Variants in IBTK observed in about 807,000 individuals in gnomAD.
IBTK encodes inhibitor of Bruton tyrosine kinase, also known as BTK-binding protein.
Under a neutral mutation model 154.9 loss-of-function variants are expected in IBTK, and 83 were observed. The observed-to-expected ratio is 0.54, with a 90% CI of 0.45 to 0.64. The LOEUF (loss-of-function observed/expected upper bound fraction) is 0.64. Among genes scored for constraint, IBTK ranks in the 30% least tolerant of loss-of-function variants. The pLI, the probability that IBTK is intolerant of heterozygous loss-of-function variation, is 0.00. For synonymous variants in IBTK, 515 were observed against 536.1 expected (o/e 0.96, Z 0.54); for missense variants, 1,332 against 1,584.6 (o/e 0.84, Z 2.71).
At chr6:82,206,201 A>C (rs572928428) in intron 16 of IBTK, among the ~76,000 whole-genome samples, 1 of 152,310 alleles carries the variant, frequency 6.6e-6, no homozygotes, top group African/African-American at 2.4e-5. Flanking sequence ...TACTGAAACC[A>C]ACAGCTCCAT....
intron 8 of IBTK, 79 bp from the exon 9 acceptor site, chr6:82,220,792 C>A: frequency 8.7e-7 from 1 of 1,148,866 alleles, no homozygotes; most frequent in Non-Finnish European, 1.2e-6. Context: ...AGTTAGTATT[C>A]AAACAACAAT....
At chr6:82,182,341 A>G (rs943963028) in intron 25 of IBTK, among the ~76,000 whole-genome samples, 1 of 152,104 alleles carries the variant, frequency 6.6e-6, no homozygotes, top group African/African-American at 2.4e-5. Flanking sequence ...GCAAAAGAAA[A>G]GAAACTATTA....
intron 1 of IBTK, among the ~76,000 whole-genome samples, chr6:82,242,734 C>T (rs1190613910): frequency 1.3e-5 from 2 of 151,706 alleles, no homozygotes; most frequent in Non-Finnish European, 2.9e-5. Context: ...ACCATGAGGT[C>T]AAAAGATCAA....
intron 8 of IBTK, among the ~76,000 whole-genome samples, chr6:82,222,143 C>T (rs1582237341): frequency 6.8e-6 from 1 of 147,088 alleles, no homozygotes; most frequent in Non-Finnish European, 1.5e-5. Context: ...GTACTTCAGC[C>T]TGGGCAACAG....
chr6:82,200,377 A>G (rs916012207), intron 20 of IBTK, 124 bp from the exon 21 acceptor site: 11 of 759,616 alleles, frequency 1.4e-5, no homozygotes, highest in Non-Finnish European at 2.1e-5. Context: ...TCAATGTGTT[A>G]GACCTACAGA....
rs1291734140 is a variant in IBTK, at chr6:82,227,137, A to G, written c.654+55T>C. Reference sequence around the variant, plus strand: ...AAAAATTTAGTTAATTAAATCTTTCAGCTTATCAGCATTTTTCTAAAGTTA... The same window carrying G: ...AAAAATTTAGTTAATTAAATCTTTCGGCTTATCAGCATTTTTCTAAAGTTA... On this transcript the variant is annotated intron_variant, in intron 5 of 28. Transcript: ENST00000306270. 2.5e-6 allele frequency: 3 copies of G among 1,195,050 alleles called. No homozygotes were observed. In the Admixed American group the frequency reaches 6.3e-5, roughly 25 times the overall value. The allele number at this position is 1,195,050 out of a possible 1,614,324, so 74.0% of individuals were successfully genotyped here.
chr6:82,223,680 C>G, intron 7 of IBTK, 60 bp from the exon 8 acceptor site: 1 of 1,411,924 alleles, frequency 7.1e-7, no homozygotes, highest in East Asian at 2.3e-5. Flanking sequence ...CCTATTTAGC[C>G]AAGCACAGTG....
chr6:82,172,542 C>A (rs1212150584), intron 27 of IBTK, 30 bp from the exon 28 acceptor site: 7 of 1,579,116 alleles, frequency 4.4e-6, no homozygotes, highest in Non-Finnish European at 6.0e-6. Flanking sequence ...GAGTTTCATT[C>A]ATCTTCCTAA....
intron 18 of IBTK, 34 bp from the exon 19 acceptor site, chr6:82,201,516 T>A: frequency 7.0e-7 from 1 of 1,427,390 alleles, no homozygotes; most frequent in South Asian, 1.2e-5. Flanking sequence ...TATCTTAAGA[T>A]TCAAGTGACT....
chr6:82,217,857 A>G (rs1769928374), intron 10 of IBTK, 103 bp downstream of exon 10: 4 of 750,836 alleles, frequency 5.3e-6, no homozygotes, highest in Non-Finnish European at 8.0e-6. Flanking sequence ...AGATAAATAC[A>G]TAAAAGTAAA....
intron 19 of IBTK, 104 bp from the exon 20 acceptor site, chr6:82,200,812 G>C (rs1188633386): frequency 1.5e-6 from 2 of 1,301,532 alleles, no homozygotes; most frequent in Admixed American, 3.6e-5. Flanking sequence ...ATGTTGGCCA[G>C]GCTGTTTGGA....
intron 23 of IBTK, among the ~76,000 whole-genome samples, chr6:82,192,970 C>T (rs1301202931): frequency 4.0e-5 from 6 of 151,730 alleles, no homozygotes; most frequent in East Asian, 3.9e-4. Context: ...TGGTGGCACG[C>T]GCCTGTAGTC....
At chr6:82,222,242 ATGAG>A (rs1770127431) in intron 8 of IBTK, among the ~76,000 whole-genome samples, 5 of 152,026 alleles carry the variant, frequency 3.3e-5, no homozygotes, top group Admixed American at 1.3e-4. Flanking sequence ...TTTTCTGCTC[ATGAG>A]TAACTTCATG....
intron 26 of IBTK, among the ~76,000 whole-genome samples, chr6:82,177,725 T>C (rs893186775): frequency 1.3e-5 from 2 of 152,032 alleles, no homozygotes; most frequent in African/African-American, 4.8e-5. Flanking sequence ...AATTTTTGTA[T>C]TTTTAGTAGA....
Position 82,220,733 on chromosome 6 carries a change from A to T in IBTK, c.1125-20T>A. The T allele has an allele frequency of 6.6e-7, 1 of 1,525,328 alleles. No individual in the cohort carries two copies. The highest frequency in any genetic ancestry group is 8.8e-7 in the Non-Finnish European group (1 of 1,136,254). The allele number at this position is 1,525,328 out of a possible 1,614,324, so 94.5% of individuals were successfully genotyped here. On this transcript the variant is annotated intron_variant, in intron 8 of 28. Coordinates refer to ENST00000306270, the MANE Select transcript of IBTK (RefSeq NM_015525.4). ...AACTGTCTAGATGAAAAAAAAAAAA[A>T]TCCTAGATTAATATGTTCTCTAAAC...
chr6:82,239,693 A>G lies in IBTK; in HGVS notation c.321+473T>C, dbSNP rs532986097. Among the ~76,000 whole-genome samples the G allele has an allele frequency of 7.3e-5, 11 of 150,728 alleles. No homozygotes were observed. The South Asian group carries it at 2.3e-3, about 32-fold the overall frequency. On this transcript the variant is annotated intron_variant, in intron 2 of 28. Transcript: ENST00000306270. Reference sequence around the variant, plus strand: ...GTCTTTCCACTCTAACCAATTAAATATATTTTCTTTGTCTTTATTCTGCAT... The same window carrying G: ...GTCTTTCCACTCTAACCAATTAAATGTATTTTCTTTGTCTTTATTCTGCAT...
At position 82,234,154 on chromosome 6, in the gene IBTK, C is replaced by T; in HGVS notation, c.418+5G>A. On this transcript the variant is annotated splice_donor_5th_base_variant and intron_variant, in intron 3 of 28. Transcript: ENST00000306270. ...GCGCCCAGCCCATTTGTGAAATTTTCTTACCAGTATTCTTGAATACTACAT... is the reference window on the plus strand; with the variant it reads ...GCGCCCAGCCCATTTGTGAAATTTTTTTACCAGTATTCTTGAATACTACAT... 1 of 1,503,586 alleles carries T rather than the reference C, an allele frequency of 6.7e-7. No homozygotes were observed. The highest frequency in any genetic ancestry group is 9.2e-7 in the Non-Finnish European group (1 of 1,087,480). 93.1% of individuals were successfully genotyped at this position (1,503,586 alleles called of 1,614,324 possible).
chr6:82,221,102 G>A (rs140816821), intron 8 of IBTK, among the ~76,000 whole-genome samples: 2,509 of 152,238 alleles, frequency 0.016, 27 homozygotes, highest in Non-Finnish European at 0.024. Flanking sequence ...CAAGGCCGGT[G>A]GATCATTTGA....
chr6:82,212,193 C>T (rs1325126216), intron 13 of IBTK, among the ~76,000 whole-genome samples: 1 of 152,144 alleles, frequency 6.6e-6, no homozygotes, highest in Non-Finnish European at 1.5e-5. Context: ...GACAGGATTT[C>T]ACCATGTTAA....
Sources: gnomAD v4.1 joint callset for allele counts (sites outside exome capture counted in the v4.1 genomes callset) on GRCh38, gnomAD v4.1.1 for gene constraint, MANE v1.5 for transcripts, NCBI Gene and HGNC (gene_info 2026-07-23, HGNC 2026-07-21) for gene names.